Variants in SERPING1 observed in about 807,000 individuals in gnomAD.
The protein encoded by SERPING1 is serpin family G member 1.
SERPING1 carries 5 observed loss-of-function variants against 34.1 expected under a neutral mutation model. The observed-to-expected ratio is 0.15, with a 90% CI of 0.08 to 0.31. SERPING1 has a LOEUF of 0.31. Ranked by LOEUF, SERPING1 falls within the 10% of genes least tolerant of loss-of-function variation. The pLI, the probability that SERPING1 is intolerant of heterozygous loss-of-function variation, is 1.00. For missense variants in SERPING1, 505 were observed against 609.5 expected (o/e 0.83, Z 1.81); for synonymous variants, 225 against 242.4 (o/e 0.93, Z 0.67).
At chr11:57,598,162 A>G (rs2135305685) in intron 1 of SERPING1, 87 bp from the exon 2 acceptor site, 1 of 1,005,334 alleles carries the variant, frequency 9.9e-7, no homozygotes, top group Non-Finnish European at 1.5e-6. Flanking sequence ...CTGGGGCCTG[A>G]GACGGAATGG....
Position 57,600,346 on chromosome 11 carries a change from C to T in SERPING1, c.519C>T (p.Ser173=), listed in dbSNP as rs776788704. Residue 173 remains serine, a synonymous_variant, in exon 3 of 8, where the codon AGC becomes AGT. Transcript: ENST00000278407. The stretch of plus-strand genomic sequence containing the variant: ...CCAACATGGCCTTTTCCCCATTCAG[C>T]ATCGCCAGCCTCCTTACCCAGGTCC... ...VETNMAFSPF[S]IASLLTQVLL... 1.5e-5 allele frequency: 24 copies of T among 1,612,582 alleles called. No individual in the cohort carries two copies. The highest frequency in any genetic ancestry group is 1.9e-5 in the Non-Finnish European group (23 of 1,180,042).
chr11:57,604,647 T>A (rs1236855011), intron 4 of SERPING1, among the ~76,000 whole-genome samples: 5 of 151,936 alleles, frequency 3.3e-5, no homozygotes, highest in Non-Finnish European at 7.4e-5. Flanking sequence ...CCACCTCCCT[T>A]TTTAAAAAAA....
intron 4 of SERPING1, among the ~76,000 whole-genome samples, chr11:57,604,265 T>C (rs1945383708): frequency 6.6e-6 from 1 of 152,208 alleles, no homozygotes; most frequent in Non-Finnish European, 1.5e-5. Context: ...CTTGGGACTC[T>C]AATTCTTTTA....
intron 4 of SERPING1, among the ~76,000 whole-genome samples, chr11:57,603,876 G>A (rs1263864657): frequency 6.7e-6 from 1 of 150,140 alleles, no homozygotes; most frequent in South Asian, 2.1e-4. Context: ...CGGGCCAGGC[G>A]CGGTGTCTCA....
Position 57,602,109 on chromosome 11 carries a change from G to A in SERPING1, c.625G>A (p.Ala209Thr), listed in dbSNP as rs769794738. 6.2e-7 allele frequency: 1 copy of A among 1,614,196 alleles called. No homozygotes were observed. The highest frequency in any genetic ancestry group is 8.5e-7 in the Non-Finnish European group (1 of 1,180,036). Reference sequence around the variant, plus strand: ...CAAGGACTTCACCTGTGTCCACCAGGCCCTGAAGGGCTTCACGACCAAAGG... The same window carrying A: ...CAAGGACTTCACCTGTGTCCACCAGACCCTGAAGGGCTTCACGACCAAAGG... ...YPKDFTCVHQ[A>T]LKGFTTKGVT... Residue 209 changes from alanine (A) to threonine (T), a missense_variant, in exon 4 of 8, where the codon GCC becomes ACC. Physicochemically the swap from Ala to Thr is moderately conservative, Grantham distance 58. Coordinates refer to ENST00000278407, the MANE Select transcript of SERPING1 (RefSeq NM_000062.3).
chr11:57,602,807 A>C, intron 4 of SERPING1, among the ~76,000 whole-genome samples: 1 of 151,648 alleles, frequency 6.6e-6, no homozygotes. Flanking sequence ...AAGAAGGAGA[A>C]AGCCGGGCCG....
Position 57,598,276 on chromosome 11 carries a change from C to A in SERPING1, c.6C>A (p.Ala2=). ...CCGCTGACGTCGCCGCCCAGATGGC[C>A]TCCAGGCTGACCCTGCTGACCCTCC... is the stretch of plus-strand genomic sequence containing the variant. M[A]SRLTLLTLLL... Residue 2 remains alanine (A), a synonymous_variant, in exon 2 of 8, where the codon GCC becomes GCA. Coordinates refer to ENST00000278407, the MANE Select transcript of SERPING1 (RefSeq NM_000062.3). 6.4e-7 allele frequency: 1 copy of A among 1,558,264 alleles called. No individual in the cohort carries two copies. Among genetic ancestry groups the A allele is most frequent in the Non-Finnish European group, 8.7e-7 (1 of 1,151,024 alleles).
intron 3 of SERPING1, 48 bp from the exon 4 acceptor site, chr11:57,601,986 GC>G (rs1338592355): frequency 6.2e-7 from 1 of 1,608,296 alleles, no homozygotes. Context: ...CCCAAGGAAG[GC>G]CCCCGACTCA....
At chr11:57,605,698 G>A in intron 4 of SERPING1, 1 of 399,340 alleles carries the variant, frequency 2.5e-6, no homozygotes. Context: ...CAAAATTAAG[G>A]GAAGAAAAGA....
At chr11:57,612,018 G>C (rs1183261242) in intron 7 of SERPING1, 82 bp downstream of exon 7, 6 of 1,208,098 alleles carry the variant, frequency 5.0e-6, no homozygotes, top group Non-Finnish European at 7.4e-6. Flanking sequence ...GCATTCTCTA[G>C]AGTATTTTTT....
At chr11:57,611,983 A>C in intron 7 of SERPING1, 47 bp downstream of exon 7, 1 of 1,452,538 alleles carries the variant, frequency 6.9e-7, no homozygotes, top group Non-Finnish European at 9.7e-7. Context: ...CAGAGGAGAA[A>C]GGGGGGATCC....
chr11:57,602,060 C>T lies in SERPING1; in HGVS notation c.576C>T (p.Asn192=), dbSNP rs1471689606. Reference sequence around the variant, plus strand: ...GGGCTGGGGAGAACACCAAAACAAACCTGGAGAGCATCCTCTCTTACCCCA... The same window carrying T: ...GGGCTGGGGAGAACACCAAAACAAATCTGGAGAGCATCCTCTCTTACCCCA... ...LLGAGENTKT[N]LESILSYPKD... Residue 192 remains asparagine (N), a synonymous_variant, in exon 4 of 8, where the codon AAC becomes AAT. Transcript: ENST00000278407. 3.1e-6 allele frequency: 5 copies of T among 1,613,990 alleles called. No individual in the cohort carries two copies. The highest frequency in any genetic ancestry group is 2.7e-5 in the African/African-American group (2 of 74,916).
chr11:57,603,778 G>T (rs534154452), intron 4 of SERPING1, among the ~76,000 whole-genome samples: 1 of 149,234 alleles, frequency 6.7e-6, no homozygotes, highest in South Asian at 2.1e-4. Context: ...GGCGGAGCTT[G>T]CAGTGAGCCG....
At chr11:57,612,015 CTAGAG>C in intron 7 of SERPING1, 79 bp downstream of exon 7, 1 of 1,220,776 alleles carries the variant, frequency 8.2e-7, no homozygotes, top group South Asian at 1.2e-5. Context: ...TTAGCATTCT[CTAGAG>C]TATTTTTTAC....
Position 57,606,220 on chromosome 11 carries a change from G to T in SERPING1, c.889+7G>T, listed in dbSNP as rs1426218981. 3 of 1,614,064 alleles carry T rather than the reference G, an allele frequency of 1.9e-6. No homozygotes were observed. The highest frequency in any genetic ancestry group is 2.5e-6 in the Non-Finnish European group (3 of 1,179,976). On this transcript the variant is annotated splice_region_variant and intron_variant, in intron 5 of 7. Transcript: ENST00000278407. ...AATGCTATCTACCTGAGTGGTAAGG[G>T]TGCCCTTAGCCAGTTAGTCTTCCCA...
At chr11:57,600,906 G>A (rs998617504) in intron 3 of SERPING1, among the ~76,000 whole-genome samples, 3 of 149,462 alleles carry the variant, frequency 2.0e-5, no homozygotes, top group African/African-American at 4.9e-5. Flanking sequence ...AGCCGAGACC[G>A]CACCATTGCA....
chr11:57,614,303 CTG>C, intron 7 of SERPING1, 23 bp from the exon 8 acceptor site: 1 of 1,612,160 alleles, frequency 6.2e-7, no homozygotes, highest in Non-Finnish European at 8.5e-7. Context: ...GCTTCTGACT[CTG>C]TTTTTCTCTG....
At chr11:57,600,571 G>A (rs1342517177) in intron 3 of SERPING1, among the ~76,000 whole-genome samples, 194 bp downstream of exon 3, 2 of 152,160 alleles carry the variant, frequency 1.3e-5, no homozygotes, top group Non-Finnish European at 2.9e-5. Flanking sequence ...TAATAGGCAC[G>A]ATTGCTTGTA....
In SERPING1 at chr11:57,600,445, CACTT is replaced by C. The variant is rs1945335363; in HGVS notation, c.550+71_550+74del. Reference sequence around the variant, plus strand: ...CTCCCATAAGAGTCACCAATCCAGACACTTACAAAGCCATGCCTCTGGGAAGAAG... The same window carrying C: ...CTCCCATAAGAGTCACCAATCCAGACACAAAGCCATGCCTCTGGGAAGAAG... On this transcript the variant is annotated intron_variant, in intron 3 of 7. Coordinates refer to ENST00000278407, the MANE Select transcript of SERPING1 (RefSeq NM_000062.3). 7 of 1,566,778 alleles carry C rather than the reference CACTT, an allele frequency of 4.5e-6. No individual in the cohort carries two copies. The African/African-American group carries it at 6.8e-5, about 15-fold the overall frequency.
Sources: allele counts gnomAD v4.1 joint callset (sites outside exome capture counted in the v4.1 genomes callset), GRCh38; gene constraint gnomAD v4.1.1; transcripts MANE v1.5; gene names NCBI Gene and HGNC (gene_info 2026-07-23, HGNC 2026-07-21).